GRM7: variants seen among roughly 807,000 people sequenced by gnomAD.
GRM7 encodes metabotropic glutamate receptor 7.
GRM7 carries 35 observed loss-of-function variants against 84.5 expected under a neutral mutation model. That is an observed-to-expected ratio of 0.41 (90% CI 0.32 to 0.55). The LOEUF (loss-of-function observed/expected upper bound fraction) is 0.55. Ranked by LOEUF, GRM7 falls within the 20% of genes least tolerant of loss-of-function variation. The pLI is 0.19. For synonymous variants in GRM7, 487 were observed against 455.1 expected, an observed-to-expected ratio of 1.07 and a Z score of -0.89; for missense variants, 1,003 against 1,194.6, an observed-to-expected ratio of 0.84 and a Z score of 2.36.
intron 8 of GRM7, among the ~76,000 whole-genome samples, chr3:7,580,775 A>G (rs1029668116): frequency 2.0e-5 from 3 of 152,142 alleles, no homozygotes; most frequent in African/African-American, 4.8e-5. Flanking sequence ...CAATTTCATA[A>G]TCTATGTTTA....
rs1048749548 is a variant in GRM7 at position 6,928,304 on chromosome 3, T to C, written c.519+66397T>C. 6.6e-6 allele frequency among the ~76,000 whole-genome samples: 1 copy of C among 152,088 alleles called. No individual in the cohort carries two copies. The highest frequency in any genetic ancestry group is 2.4e-5 in the African/African-American group (1 of 41,412). On this transcript the variant is annotated intron_variant, in intron 1 of 9. Coordinates refer to ENST00000357716, the MANE Select transcript of GRM7 (RefSeq NM_000844.4). The surrounding 1 kb of genome is among the most constrained non-coding windows in gnomAD (Gnocchi z 4.5). ...GTAATGACTTGTTAACTTGTAGATA[T>C]GATTAAGCCCCACAGTTTTCCCATG...
intron 1 of GRM7, among the ~76,000 whole-genome samples, chr3:6,999,999 T>C (rs1694952901): frequency 6.6e-6 from 1 of 152,172 alleles, no homozygotes; most frequent in African/African-American, 2.4e-5. Flanking sequence ...ATTTAGAACA[T>C]AATATGTACC....
intron 4 of GRM7, among the ~76,000 whole-genome samples, chr3:7,393,423 G>A (rs1158405170): frequency 6.6e-6 from 1 of 152,162 alleles, no homozygotes; most frequent in Non-Finnish European, 1.5e-5. Flanking sequence ...CCATGTCAGA[G>A]CTCTGGATGT....
chr3:7,158,402 G>A (rs927049150), intron 2 of GRM7, among the ~76,000 whole-genome samples: 7 of 151,960 alleles, frequency 4.6e-5, no homozygotes, highest in Non-Finnish European at 8.8e-5. Context: ...TTACTCAAGC[G>A]GTGTCCTCTG....
At chr3:7,397,287 T>C (rs1251262985) in intron 4 of GRM7, among the ~76,000 whole-genome samples, 1 of 152,118 alleles carries the variant, frequency 6.6e-6, no homozygotes, top group Non-Finnish European at 1.5e-5. Flanking sequence ...GTCATACAAT[T>C]TACATGAATT....
intron 1 of GRM7, among the ~76,000 whole-genome samples, chr3:7,099,351 T>C (rs537608447): frequency 6.8e-5 from 10 of 147,908 alleles, no homozygotes; most frequent in East Asian, 3.9e-4. Context: ...TACATGTATA[T>C]ATGTACACAT....
chr3:7,381,887 T>G (rs1694606340), intron 4 of GRM7, among the ~76,000 whole-genome samples: 1 of 152,180 alleles, frequency 6.6e-6, no homozygotes. Context: ...TCAGGGTAAG[T>G]GGCCTTCATG....
At chr3:7,055,206 T>C (rs1170206223) in intron 1 of GRM7, among the ~76,000 whole-genome samples, 1 of 150,678 alleles carries the variant, frequency 6.6e-6, no homozygotes, top group East Asian at 1.9e-4. Flanking sequence ...ATTTTCTTCT[T>C]CTTCTTCTCT....
chr3:7,680,400 C>A, intron 9 of GRM7, 105 bp downstream of exon 9: 2 of 1,229,086 alleles, frequency 1.6e-6, no homozygotes, highest in African/African-American at 1.5e-5. Context: ...TCGTTCTTGT[C>A]TTATGGGCTG....
intron 8 of GRM7, among the ~76,000 whole-genome samples, chr3:7,628,286 G>T (rs1447574356): frequency 6.6e-6 from 1 of 152,066 alleles, no homozygotes; most frequent in African/African-American, 2.4e-5. Flanking sequence ...GTGCAGCACT[G>T]TCCTCAGGTA....
At chr3:7,534,817 G>A (rs577440312) in intron 7 of GRM7, among the ~76,000 whole-genome samples, 2 of 152,286 alleles carry the variant, frequency 1.3e-5, no homozygotes, top group East Asian at 3.9e-4. Flanking sequence ...GTCACAGCTG[G>A]TGAATCTATC....
At chr3:7,485,923 A>G (rs1699302472) in intron 7 of GRM7, among the ~76,000 whole-genome samples, 1 of 152,228 alleles carries the variant, frequency 6.6e-6, no homozygotes. Context: ...TTCCCCAGCA[A>G]TTAAAAAGTA....
rs541584925 is a variant in GRM7 at position 7,235,896 on chromosome 3, T to C, written c.737-62788T>C. Among the ~76,000 whole-genome samples the C allele has an allele frequency of 2.0e-5, 3 of 152,320 alleles. No homozygotes were observed. The South Asian group carries it at 6.2e-4, about 32-fold the overall frequency. ...GATCAATACAGCAAAGGTACTGTCT[T>C]AGTTTGTGCCTGCTGCTATAAGAAA... On this transcript the variant is annotated intron_variant, in intron 2 of 9. Transcript: ENST00000357716.
At chr3:7,404,855 T>TA (rs1695607200) in intron 4 of GRM7, among the ~76,000 whole-genome samples, 1 of 152,058 alleles carries the variant, frequency 6.6e-6, no homozygotes, top group Admixed American at 6.6e-5. Flanking sequence ...ATATAATCAA[T>TA]AAAAAATGTT....
chr3:6,986,908 T>C (rs573162063), intron 1 of GRM7, among the ~76,000 whole-genome samples: 1 of 152,294 alleles, frequency 6.6e-6, no homozygotes, highest in African/African-American at 2.4e-5. Flanking sequence ...ATAGTACCTG[T>C]TACTCAGAAA....
chr3:7,163,840 T>C (rs1029518636), intron 2 of GRM7, among the ~76,000 whole-genome samples: 1 of 152,248 alleles, frequency 6.6e-6, no homozygotes, highest in South Asian at 2.1e-4. Context: ...GTTGAAGTCA[T>C]GCTTATGCCC....
At chr3:7,265,865 C>A (rs1698616397) in intron 2 of GRM7, among the ~76,000 whole-genome samples, 1 of 152,178 alleles carries the variant, frequency 6.6e-6, no homozygotes, top group Non-Finnish European at 1.5e-5. Context: ...AAATGCACAT[C>A]TTTTGATGGC....
intron 7 of GRM7, among the ~76,000 whole-genome samples, chr3:7,478,603 A>G (rs1699014720): frequency 6.6e-6 from 1 of 152,204 alleles, no homozygotes; most frequent in Non-Finnish European, 1.5e-5. Flanking sequence ...TTGATGAAAT[A>G]GGGTCCTGAA....
chr3:7,517,132 T>G lies in GRM7; in HGVS notation c.1515+55410T>G, dbSNP rs548264539. ...TAATAAACAGGAGAAAGTGGACAAG[T>G]CAAGGCTACGCAAATCACACTGACA... On this transcript the variant is annotated intron_variant, in intron 7 of 9. Coordinates refer to ENST00000357716, the MANE Select transcript of GRM7 (RefSeq NM_000844.4). Among the ~76,000 whole-genome samples the G allele has an allele frequency of 7.9e-5, 12 of 152,318 alleles. No individual in the cohort carries two copies. The East Asian group carries it at 2.3e-3, about 29-fold the overall frequency.
Sources: gnomAD v4.1 joint callset for allele counts (sites outside exome capture counted in the v4.1 genomes callset) on GRCh38, gnomAD v4.1.1 for gene constraint, Gnocchi (gnomAD v3.1) non-coding constraint, MANE v1.5 for transcripts, NCBI Gene and HGNC (gene_info 2026-07-23, HGNC 2026-07-21) for gene names.